Variants in STARD13 observed in about 807,000 individuals in gnomAD.
The protein encoded by STARD13 is stAR-related lipid transfer protein 13.
A neutral mutation model predicts 106.4 loss-of-function variants in STARD13; 62 were observed. The observed-to-expected ratio is 0.58, with a 90% CI of 0.48 to 0.72. STARD13 has a LOEUF of 0.72. Ranked by LOEUF, STARD13 falls within the 30% of genes least tolerant of loss-of-function variation. The probability of loss-of-function intolerance (pLI) is 0.00; values close to 1 mark genes in which losing one functional copy is unlikely to be tolerated. For missense variants in STARD13, 1,387 were observed against 1,424.0 expected (o/e 0.97, Z 0.42); for synonymous variants, 565 against 553.0 (o/e 1.02, Z -0.31).
At chr13:33,293,013 C>T (rs1892350789) in intron 1 of STARD13, among the ~76,000 whole-genome samples, 2 of 152,166 alleles carry the variant, frequency 1.3e-5, no homozygotes, top group Admixed American at 1.3e-4. Context: ...CCTTTCTGCA[C>T]GTGCTACTCC....
chr13:33,275,069 A>G (rs140924960), intron 1 of STARD13, among the ~76,000 whole-genome samples: 12 of 152,166 alleles, frequency 7.9e-5, no homozygotes, highest in African/African-American at 1.4e-4. Flanking sequence ...CTATTTATCT[A>G]TAAGACCTGA....
the STARD13 span, among the ~76,000 whole-genome samples, chr13:33,519,343 C>T: frequency 7.1e-6 from 1 of 140,874 alleles, no homozygotes; most frequent in Non-Finnish European, 1.5e-5. Context: ...TTTCTTCCTT[C>T]TTTTTTCTTT....
the STARD13 span, among the ~76,000 whole-genome samples, chr13:33,546,574 A>C: frequency 6.6e-6 from 1 of 152,110 alleles, no homozygotes; most frequent in Non-Finnish European, 1.5e-5. Flanking sequence ...TGAATTGACT[A>C]TTCTGCTAAA....
the STARD13 span, among the ~76,000 whole-genome samples, chr13:33,384,184 A>C: frequency 2.6e-5 from 4 of 152,240 alleles, no homozygotes; most frequent in African/African-American, 7.2e-5. Context: ...TACTCAGATA[A>C]AAGGAACAGT....
the STARD13 span, among the ~76,000 whole-genome samples, chr13:33,626,652 C>G: frequency 7.9e-5 from 12 of 152,334 alleles, no homozygotes; most frequent in Admixed American, 6.5e-4. Context: ...ATTATATAAT[C>G]TTTACCTACT....
At chr13:33,293,330 T>C (rs1469826223) in intron 1 of STARD13, among the ~76,000 whole-genome samples, 5 of 152,184 alleles carry the variant, frequency 3.3e-5, no homozygotes, top group African/African-American at 7.2e-5. Flanking sequence ...TCAGTAGCGA[T>C]TGGTTGAACA....
chr13:33,293,893 T>C (rs1892386121), intron 1 of STARD13, among the ~76,000 whole-genome samples: 1 of 152,204 alleles, frequency 6.6e-6, no homozygotes, highest in African/African-American at 2.4e-5. Flanking sequence ...CAGCCAATTG[T>C]GGGATGCTGT....
the STARD13 span, among the ~76,000 whole-genome samples, chr13:33,558,341 A>G: frequency 6.6e-6 from 1 of 152,190 alleles, no homozygotes; most frequent in African/African-American, 2.4e-5. Flanking sequence ...CAATATTTTA[A>G]AAACAAAAAA....
the STARD13 span, among the ~76,000 whole-genome samples, chr13:33,422,931 T>C: frequency 6.6e-6 from 1 of 152,186 alleles, no homozygotes; most frequent in African/African-American, 2.4e-5. Flanking sequence ...TTACACTTTA[T>C]ACAAAAATTA....
At chr13:33,469,051 G>A in the STARD13 span, among the ~76,000 whole-genome samples, 989 of 152,206 alleles carry the variant, frequency 6.5e-3, 6 homozygotes, top group Non-Finnish European at 0.011. Flanking sequence ...TGTATATTTG[G>A]GGGACCTACT....
At chr13:33,527,916 A>G in the STARD13 span, among the ~76,000 whole-genome samples, 1 of 151,478 alleles carries the variant, frequency 6.6e-6, no homozygotes. Context: ...AATACTATTA[A>G]GAACCCGTTA....
intron 1 of STARD13, among the ~76,000 whole-genome samples, chr13:33,214,513 A>G (rs1227502647): frequency 2.0e-5 from 3 of 152,290 alleles, no homozygotes; most frequent in South Asian, 4.1e-4. Flanking sequence ...CTGCTCTACT[A>G]TAATGCTCCC....
chr13:33,275,547 C>G (rs530589905), intron 1 of STARD13: 64 of 152,264 alleles, frequency 4.2e-4, no homozygotes, highest in African/African-American at 1.5e-3. Context: ...CAAGGTCACT[C>G]TATGGGGATG....
the STARD13 span, among the ~76,000 whole-genome samples, chr13:33,447,783 G>A: frequency 2.0e-5 from 3 of 152,024 alleles, no homozygotes; most frequent in African/African-American, 7.2e-5. Context: ...TGGAGAGATG[G>A]GAGTGTTAAT....
intron 4 of STARD13, among the ~76,000 whole-genome samples, chr13:33,136,017 G>A (rs1466327407): frequency 1.3e-5 from 2 of 152,116 alleles, no homozygotes; most frequent in Non-Finnish European, 2.9e-5. Context: ...AGCTACTCGG[G>A]AGGCTGAGGC....
chr13:33,614,596 C>A, the STARD13 span, among the ~76,000 whole-genome samples: 4 of 152,112 alleles, frequency 2.6e-5, no homozygotes, highest in African/African-American at 9.7e-5. Context: ...GCAAATAATA[C>A]TTTTAAACAT....
At chr13:33,161,563 C>T (rs1411689360) in intron 3 of STARD13, among the ~76,000 whole-genome samples, 1 of 152,174 alleles carries the variant, frequency 6.6e-6, no homozygotes, top group Non-Finnish European at 1.5e-5. Context: ...CATCCACCCA[C>T]CTCAGCCTCC....
chr13:33,113,503 C>T (rs1464915468), intron 8 of STARD13: 1 of 506,524 alleles, frequency 2.0e-6, no homozygotes, highest in South Asian at 1.5e-5. Flanking sequence ...TGACCTCATT[C>T]CTAGAGGGCC....
At chr13:33,221,510 C>T (rs147225125) in intron 1 of STARD13, among the ~76,000 whole-genome samples, 4 of 152,306 alleles carry the variant, frequency 2.6e-5, no homozygotes, top group African/African-American at 7.2e-5. Flanking sequence ...ACATGCATCC[C>T]CCTCTTCCCT....
Sources: allele counts gnomAD v4.1 joint callset (sites outside exome capture counted in the v4.1 genomes callset), GRCh38; gene constraint gnomAD v4.1.1; transcripts MANE v1.5; gene names NCBI Gene and HGNC (gene_info 2026-07-23, HGNC 2026-07-21).